The following BNC2 variants were observed in gnomAD, a reference collection of about 807,000 sequenced individuals.
BNC2 encodes zinc finger protein basonuclin-2.
Under a neutral mutation model 76.3 loss-of-function variants are expected in BNC2, and 20 were observed. The observed-to-expected ratio is 0.26, with a 90% CI of 0.18 to 0.38. The LOEUF is 0.38. Ranked by LOEUF, BNC2 falls within the 10% of genes least tolerant of loss-of-function variation. The pLI, the probability that BNC2 is intolerant of heterozygous loss-of-function variation, is 1.00. For synonymous variants in BNC2, 582 were observed against 514.8 expected (o/e 1.13, Z -1.77); for missense variants, 1,382 against 1,399.8 (o/e 0.99, Z 0.20).
chr9:16,668,328 G>A (rs1822362453), intron 3 of BNC2, among the ~76,000 whole-genome samples: 1 of 152,170 alleles, frequency 6.6e-6, no homozygotes, highest in Admixed American at 6.5e-5. Flanking sequence ...GGAGCTCGAT[G>A]TGTTAATTAA....
At chr9:16,863,493 G>A (rs1013275320) in intron 1 of BNC2, among the ~76,000 whole-genome samples, 7 of 152,074 alleles carry the variant, frequency 4.6e-5, no homozygotes, top group Middle Eastern at 3.2e-3. Flanking sequence ...TCAGGAGTTC[G>A]GGACCAGCCT....
intron 5 of BNC2, among the ~76,000 whole-genome samples, chr9:16,472,698 T>C (rs183298244): frequency 3.1e-4 from 47 of 152,364 alleles, no homozygotes; most frequent in African/African-American, 1.1e-3. Flanking sequence ...TATGGAACTT[T>C]AGAAATGCCA....
intron 1 of BNC2, among the ~76,000 whole-genome samples, chr9:16,807,331 C>T (rs1341692763): frequency 6.6e-6 from 1 of 152,162 alleles, no homozygotes; most frequent in African/African-American, 2.4e-5. Context: ...TCCATGAAAA[C>T]AAGGTTTATA....
intron 1 of BNC2, among the ~76,000 whole-genome samples, chr9:16,837,500 T>A (rs779300934): frequency 8.6e-5 from 13 of 151,880 alleles, no homozygotes; most frequent in Non-Finnish European, 1.9e-4. Flanking sequence ...CGAGACTCCA[T>A]CCCGAAAAGA....
At position 16,435,966 on chromosome 9, in the gene BNC2, T is replaced by C. The variant is rs992273013; in HGVS notation, c.2228A>G (p.His743Arg). Reference sequence around the variant, plus strand: ...TTTTTCACTCACTTCGCTGTGAATGTGCTCATCCCCTTCCATGGATTCCTC... The same window carrying C: ...TTTTTCACTCACTTCGCTGTGAATGCGCTCATCCCCTTCCATGGATTCCTC... The part of the protein sequence containing the change: ...LGEESMEGDE[H>R]IHSEVSEKVL... Residue 743 changes from histidine to arginine, a missense_variant, in exon 6 of 7, where the codon CAC (histidine) becomes CGC (arginine). Transcript: ENST00000380672. 1.9e-6 allele frequency: 3 copies of C among 1,614,170 alleles called. No homozygotes were observed. The highest frequency in any genetic ancestry group is 2.5e-6 in the Non-Finnish European group (3 of 1,180,030).
At chr9:16,630,596 T>C (rs1273002110) in intron 3 of BNC2, among the ~76,000 whole-genome samples, 1 of 152,198 alleles carries the variant, frequency 6.6e-6, no homozygotes, top group Non-Finnish European at 1.5e-5. Flanking sequence ...TTAGCATGTA[T>C]AAACTACACA....
intron 1 of BNC2, among the ~76,000 whole-genome samples, chr9:16,817,498 T>C (rs988733789): frequency 6.6e-6 from 1 of 152,208 alleles, no homozygotes; most frequent in Non-Finnish European, 1.5e-5. Context: ...TTGGACAATC[T>C]GTTTAAACTG....
Position 16,419,311 on chromosome 9 carries a change from A to G in BNC2, c.2978T>C (p.Ile993Thr), listed in dbSNP as rs374764242. 35 of 1,613,624 alleles carry G rather than the reference A, an allele frequency of 2.2e-5. No individual in the cohort carries two copies. Among genetic ancestry groups the G allele is most frequent in the Non-Finnish European group, 2.5e-5 (29 of 1,179,742 alleles). Residue 993 changes from isoleucine (I) to threonine (T), a missense_variant, in exon 7 of 7, where the codon ATT becomes ACT. Physicochemically the swap from Ile to Thr is moderately conservative, Grantham distance 89. Transcript: ENST00000380672. ...CTCCCCACTGTCACTCGCCCCGTCA[A>G]TGTCATCGAGAAGAATCCCCTCATC... ...GSDEGILLDD[I>T]DGASDSGESA...
chr9:16,650,320 T>C (rs1014948718), intron 3 of BNC2, among the ~76,000 whole-genome samples: 3 of 152,198 alleles, frequency 2.0e-5, no homozygotes, highest in African/African-American at 7.2e-5. Context: ...TGAAAGTGCA[T>C]TGTGTCTCAG....
chr9:16,552,801 T>C (rs748372832), intron 4 of BNC2, 36 bp from the exon 5 acceptor site: 2 of 1,531,756 alleles, frequency 1.3e-6, no homozygotes, highest in African/African-American at 2.7e-5. Flanking sequence ...GAGATGGGGG[T>C]GTTGGGAATA....
chr9:16,519,656 C>T (rs1013920206), intron 5 of BNC2, among the ~76,000 whole-genome samples: 3 of 152,172 alleles, frequency 2.0e-5, no homozygotes, highest in African/African-American at 7.2e-5. Context: ...ATAGCTGCTA[C>T]TTGTGGAGTT....
chr9:16,640,280 ATC>A (rs750797593), intron 3 of BNC2, among the ~76,000 whole-genome samples: 2 of 152,142 alleles, frequency 1.3e-5, no homozygotes, highest in East Asian at 3.9e-4. Flanking sequence ...GAGGGTCTCA[ATC>A]TCTCTCTCTT....
intron 3 of BNC2, among the ~76,000 whole-genome samples, chr9:16,642,014 C>T (rs1242656827): frequency 6.6e-6 from 1 of 152,146 alleles, no homozygotes; most frequent in Admixed American, 6.5e-5. Context: ...TCAGTAAACA[C>T]CCAATGCAGC....
intron 3 of BNC2, among the ~76,000 whole-genome samples, chr9:16,594,954 G>C (rs1291465328): frequency 6.6e-6 from 1 of 152,112 alleles, no homozygotes; most frequent in South Asian, 2.1e-4. Flanking sequence ...TACACAAAAA[G>C]GGAGAGGGAT....
intron 1 of BNC2, among the ~76,000 whole-genome samples, chr9:16,818,512 C>T (rs1818238619): frequency 6.6e-6 from 1 of 152,170 alleles, no homozygotes; most frequent in Non-Finnish European, 1.5e-5. Flanking sequence ...GCTTAAGTGT[C>T]TCTAGAGATG....
At chr9:16,604,859 AT>A (rs1820337815) in intron 3 of BNC2, among the ~76,000 whole-genome samples, 1 of 152,172 alleles carries the variant, frequency 6.6e-6, no homozygotes, top group Non-Finnish European at 1.5e-5. Flanking sequence ...TGCTATGTGA[AT>A]TTTACTTCAA....
At chr9:16,495,955 C>T (rs574776125) in intron 5 of BNC2, among the ~76,000 whole-genome samples, 2 of 149,814 alleles carry the variant, frequency 1.3e-5, no homozygotes, top group African/African-American at 2.5e-5. Context: ...GTTGCCCAGG[C>T]TGAAATGCAA....
chr9:16,477,569 T>C (rs527388808), intron 5 of BNC2, among the ~76,000 whole-genome samples: 22 of 152,332 alleles, frequency 1.4e-4, no homozygotes, highest in South Asian at 4.1e-4. Flanking sequence ...TTTAGCTATT[T>C]CTTCTTGCTG....
rs76944883 is a variant in BNC2, at chr9:16,789,721, T to C, written c.4-51236A>G. 3.2e-3 allele frequency among the ~76,000 whole-genome samples: 483 copies of C among 152,354 alleles called. 2 individuals are homozygous for C. The highest frequency in any genetic ancestry group is 0.011 in the African/African-American group (453 of 41,586). On this transcript the variant is annotated intron_variant, in intron 1 of 6. Coordinates refer to ENST00000380672, the MANE Select transcript of BNC2 (RefSeq NM_017637.6). ...TTATACATGTTATAGGCATATGTTA[T>C]AGTATAATGGTCTTGTCTCTCACCA...
Sources: gnomAD v4.1 joint callset for allele counts (sites outside exome capture counted in the v4.1 genomes callset) on GRCh38, gnomAD v4.1.1 for gene constraint, MANE v1.5 for transcripts, NCBI Gene and HGNC (gene_info 2026-07-23, HGNC 2026-07-21) for gene names.